Variants in APOOL observed in about 807,000 individuals in gnomAD.
APOOL encodes apolipoprotein O like, also known as MICOS complex subunit MIC27.
In APOOL, 12 loss-of-function variants were observed where a neutral mutation model predicts 23.1. The ratio of observed to expected loss-of-function variants is 0.52; its 90% CI spans 0.33 to 0.84. The LOEUF (loss-of-function observed/expected upper bound fraction) is 0.84. Among genes scored for constraint, APOOL ranks in the 40% least tolerant of loss-of-function variants. The pLI, the probability that APOOL is intolerant of heterozygous loss-of-function variation, is 0.02. For missense variants in APOOL, 212 were observed against 199.6 expected (o/e 1.06, Z -0.37); for synonymous variants, 77 against 69.9 (o/e 1.10, Z -0.51).
chrX:85,015,253 G>A (rs186106257), intron 1 of APOOL, among the ~76,000 whole-genome samples: 1 of 110,532 alleles, frequency 9.0e-6, no homozygotes. Flanking sequence ...AATTATCTAA[G>A]GTCTTTTTCA....
At chrX:85,083,844 A>C (rs1380526820) in intron 8 of APOOL, among the ~76,000 whole-genome samples, 4 of 112,026 alleles carry the variant, frequency 3.6e-5, no homozygotes, top group Non-Finnish European at 7.5e-5. Flanking sequence ...ATTTGAGACT[A>C]TAATTCATTG....
chrX:85,029,691 A>T lies in APOOL; in HGVS notation c.16-16755A>T, dbSNP rs1407003013. 4.5e-5 allele frequency among the ~76,000 whole-genome samples: 5 copies of T among 111,943 alleles called. 1 individual carries two copies. The highest frequency in any genetic ancestry group is 7.5e-5 in the Non-Finnish European group (4 of 53,187). On this transcript the variant is annotated intron_variant, in intron 1 of 8. Coordinates refer to ENST00000373173, the MANE Select transcript of APOOL (RefSeq NM_198450.6). ...ATCACCAAGAAAAACAAATAATCCCATCAAAAAGTGGGCAAAGAACATAAA... is the reference window on the plus strand; with the variant it reads ...ATCACCAAGAAAAACAAATAATCCCTTCAAAAAGTGGGCAAAGAACATAAA...
chrX:85,089,007 C>T lies in APOOL; in HGVS notation c.*1329C>T, dbSNP rs771439059. The T allele has an allele frequency of 8.9e-6, 1 of 111,929 alleles. No homozygotes were observed. The highest frequency in any genetic ancestry group is 1.9e-5 in the Non-Finnish European group (1 of 53,190). 9.2% of individuals were successfully genotyped at this position (111,929 alleles called of 1,213,427 possible). On this transcript the variant is annotated 3_prime_UTR_variant, in exon 9 of 9. Coordinates refer to ENST00000373173, the MANE Select transcript of APOOL (RefSeq NM_198450.6). The stretch of plus-strand genomic sequence containing the variant: ...CTCTCTCCTTCCTATAATTGTTATA[C>T]TTCTTTAAAAAGTAATTGTTACTTT...
chrX:85,056,789 T>C (rs73509718), intron 5 of APOOL, among the ~76,000 whole-genome samples: 3,050 of 111,406 alleles, frequency 0.027, 92 homozygotes, highest in African/African-American at 0.086. Flanking sequence ...TTCATACAAT[T>C]CTATCAGTTT....
At chrX:85,068,470 AT>A (rs1170841920) in intron 6 of APOOL, among the ~76,000 whole-genome samples, 2 of 103,916 alleles carry the variant, frequency 1.9e-5, no homozygotes, top group African/African-American at 7.1e-5. Context: ...CAATGGCCCA[AT>A]CTTGGCTCAC....
intron 1 of APOOL, among the ~76,000 whole-genome samples, chrX:85,013,364 T>A (rs1921357288): frequency 9.0e-6 from 1 of 111,694 alleles, no homozygotes. Flanking sequence ...TCTTCTAGCT[T>A]TAGGTTTAGT....
chrX:85,034,797 CT>C (rs1331878493), intron 1 of APOOL, among the ~76,000 whole-genome samples: 1 of 111,924 alleles, frequency 8.9e-6, no homozygotes, highest in Non-Finnish European at 1.9e-5. Context: ...ATGCTTTCTT[CT>C]TTTTTATGGA....
At chrX:85,059,244 G>A (rs1923094320) in intron 5 of APOOL, among the ~76,000 whole-genome samples, 1 of 110,007 alleles carries the variant, frequency 9.1e-6, no homozygotes, top group Non-Finnish European at 1.9e-5. Flanking sequence ...TCCATGGTAT[G>A]TATGTGCCAC....
intron 1 of APOOL, among the ~76,000 whole-genome samples, chrX:85,036,724 TG>T (rs1922229799): frequency 9.0e-6 from 1 of 111,423 alleles, no homozygotes; most frequent in African/African-American, 3.3e-5. Flanking sequence ...TCAATAGTTT[TG>T]GGGGAGCAAG....
At chrX:85,033,379 T>C (rs1269225358) in intron 1 of APOOL, among the ~76,000 whole-genome samples, 1 of 111,951 alleles carries the variant, frequency 8.9e-6, no homozygotes, top group Non-Finnish European at 1.9e-5. Flanking sequence ...CACTCCTTTC[T>C]CTTAGTATTC....
intron 1 of APOOL, among the ~76,000 whole-genome samples, chrX:85,020,851 C>A (rs1404532948): frequency 8.9e-6 from 1 of 111,786 alleles, no homozygotes; most frequent in Non-Finnish European, 1.9e-5. Flanking sequence ...AGGCAGGACC[C>A]TCTAGCCCCA....
chrX:85,078,527 G>A (rs1264490517), intron 8 of APOOL, among the ~76,000 whole-genome samples: 1 of 111,424 alleles, frequency 9.0e-6, no homozygotes, highest in East Asian at 2.8e-4. Context: ...GTAGCGTGAT[G>A]CCTCCAGCTT....
intron 8 of APOOL, among the ~76,000 whole-genome samples, chrX:85,084,953 T>G (rs942158457): frequency 1.8e-5 from 2 of 110,967 alleles, no homozygotes; most frequent in African/African-American, 6.5e-5. Flanking sequence ...GTTGCACACT[T>G]TTCACTTGTA....
At chrX:85,061,141 T>C (rs1923201909) in intron 5 of APOOL, among the ~76,000 whole-genome samples, 2 of 111,682 alleles carry the variant, frequency 1.8e-5, no homozygotes, top group African/African-American at 6.5e-5. Flanking sequence ...GAGATAATCA[T>C]GTGGTTTTTG....
chrX:85,007,250 C>T (rs1037758079), intron 1 of APOOL, among the ~76,000 whole-genome samples: 1 of 111,377 alleles, frequency 9.0e-6, no homozygotes, highest in Non-Finnish European at 1.9e-5. Context: ...CTAGTAGTGA[C>T]TTTCTCCAGC....
chrX:85,022,813 T>C (rs1310448720), intron 1 of APOOL, among the ~76,000 whole-genome samples: 1 of 112,068 alleles, frequency 8.9e-6, no homozygotes, highest in African/African-American at 3.2e-5. Flanking sequence ...CCTTATGCTA[T>C]AATCTGGATG....
chrX:85,029,212 T>C (rs972059386), intron 1 of APOOL, among the ~76,000 whole-genome samples: 4 of 111,770 alleles, frequency 3.6e-5, no homozygotes, highest in Non-Finnish European at 7.5e-5. Context: ...GCCTGTCTTT[T>C]GGATATAAGC....
intron 1 of APOOL, among the ~76,000 whole-genome samples, chrX:85,045,653 G>A (rs2054479940): frequency 1.8e-5 from 2 of 111,274 alleles, no homozygotes; most frequent in Non-Finnish European, 3.8e-5. Flanking sequence ...ATAATCTTTG[G>A]GAATTATTTT....
chrX:85,063,524 T>C (rs758952391), intron 5 of APOOL, among the ~76,000 whole-genome samples: 1 of 111,705 alleles, frequency 9.0e-6, no homozygotes, highest in South Asian at 3.8e-4. Flanking sequence ...TCTTATTATT[T>C]TGAGACATGT....
Sources: gnomAD v4.1 joint callset for allele counts (sites outside exome capture counted in the v4.1 genomes callset) on GRCh38, gnomAD v4.1.1 for gene constraint, MANE v1.5 for transcripts, NCBI Gene and HGNC (gene_info 2026-07-23, HGNC 2026-07-21) for gene names.